Variants in NRG3 observed in about 807,000 individuals in gnomAD.
NRG3 encodes the protein pro-neuregulin-3, membrane-bound isoform.
NRG3 carries 31 observed loss-of-function variants against 66.9 expected under a neutral mutation model. That is an observed-to-expected ratio of 0.46 (90% CI 0.35 to 0.63). NRG3 has a LOEUF of 0.63. NRG3 is among the 20% of genes least tolerant of loss of function. The pLI is 0.00. For missense variants in NRG3, 910 were observed against 878.9 expected, an observed-to-expected ratio of 1.04 and a Z score of -0.45; for synonymous variants, 393 against 359.4, an observed-to-expected ratio of 1.09 and a Z score of -1.06.
chr10:82,550,151 A>G lies in NRG3; in HGVS notation c.954-188426A>G, dbSNP rs147598162. Among the ~76,000 whole-genome samples the G allele has an allele frequency of 4.4e-3, 668 of 152,322 alleles. 8 individuals are homozygous for G. Among genetic ancestry groups the G allele is most frequent in the African/African-American group, 0.015 (627 of 41,568 alleles). On this transcript the variant is annotated intron_variant, in intron 2 of 8. Coordinates refer to ENST00000372141, the MANE Select transcript of NRG3 (RefSeq NM_001010848.4). ...GAACTCCTAGCATAATGCTTGCCAC[A>G]TAGAAAGCTCTAAAAATATTCCGTT... is the stretch of plus-strand genomic sequence containing the variant.
intron 1 of NRG3, among the ~76,000 whole-genome samples, chr10:82,338,466 C>T (rs1226505218): frequency 1.3e-5 from 2 of 152,144 alleles, no homozygotes; most frequent in African/African-American, 4.8e-5. Flanking sequence ...ATGACAGTCA[C>T]GCATGCCTTG....
intron 1 of NRG3, among the ~76,000 whole-genome samples, chr10:82,189,249 C>G (rs1395396389): frequency 6.6e-6 from 1 of 151,962 alleles, no homozygotes; most frequent in Non-Finnish European, 1.5e-5. Context: ...TTGAATAACT[C>G]TATGAGAAAA....
At chr10:82,247,934 A>C (rs1276239447) in intron 1 of NRG3, among the ~76,000 whole-genome samples, 2 of 152,146 alleles carry the variant, frequency 1.3e-5, no homozygotes. Context: ...AGCAATAACA[A>C]TAATAATAAT....
intron 1 of NRG3, among the ~76,000 whole-genome samples, chr10:82,292,468 G>T (rs2079804551): frequency 6.6e-6 from 1 of 152,050 alleles, no homozygotes; most frequent in African/African-American, 2.4e-5. Context: ...ATATGACACA[G>T]TACTTGCACT....
At position 82,475,474 on chromosome 10, in the gene NRG3, G is replaced by A. The variant is rs565186176; in HGVS notation, c.953+116606G>A. Among the ~76,000 whole-genome samples the A allele has an allele frequency of 1.2e-3, 182 of 152,174 alleles. 1 individual carries two copies. The highest frequency in any genetic ancestry group is 4.1e-3 in the African/African-American group (170 of 41,560). Reference sequence around the variant, plus strand: ...GCATCAGTAATGAAGGAGCTCCTGAGAAAGAAAAGCCCAGGAACAGATGGC... The same window carrying A: ...GCATCAGTAATGAAGGAGCTCCTGAAAAAGAAAAGCCCAGGAACAGATGGC... On this transcript the variant is annotated intron_variant, in intron 2 of 8. Coordinates refer to ENST00000372141, the MANE Select transcript of NRG3 (RefSeq NM_001010848.4).
intron 1 of NRG3, among the ~76,000 whole-genome samples, chr10:82,184,572 A>G (rs1169401733): frequency 1.3e-5 from 2 of 152,164 alleles, no homozygotes; most frequent in African/African-American, 4.8e-5. Flanking sequence ...TTCTATATGT[A>G]AAAGAAACAC....
At chr10:82,600,542 C>G (rs1001361845) in intron 2 of NRG3, among the ~76,000 whole-genome samples, 1 of 152,172 alleles carries the variant, frequency 6.6e-6, no homozygotes, top group Non-Finnish European at 1.5e-5. Context: ...GCGATCTCAG[C>G]GCATTGCAAC....
intron 1 of NRG3, among the ~76,000 whole-genome samples, chr10:81,911,935 T>A (rs61149615): frequency 0.012 from 1,836 of 152,196 alleles, 37 homozygotes; most frequent in African/African-American, 0.042. Context: ...GAATTGCCAT[T>A]ATGCTTCTGA....
chr10:82,501,939 C>T (rs1162957868), intron 2 of NRG3, among the ~76,000 whole-genome samples: 1 of 152,152 alleles, frequency 6.6e-6, no homozygotes, highest in Non-Finnish European at 1.5e-5. Context: ...GTGTTCATGA[C>T]ACCCCAAACA....
At chr10:82,497,241 A>G (rs1843709279) in intron 2 of NRG3, among the ~76,000 whole-genome samples, 1 of 152,210 alleles carries the variant, frequency 6.6e-6, no homozygotes, top group Non-Finnish European at 1.5e-5. Context: ...CATAATAGGC[A>G]AAATAAATAC....
At chr10:82,579,266 C>A (rs1302775013) in intron 2 of NRG3, among the ~76,000 whole-genome samples, 1 of 151,550 alleles carries the variant, frequency 6.6e-6, no homozygotes, top group African/African-American at 2.4e-5. Flanking sequence ...GAAAAACACC[C>A]AGTTTAAGTT....
At chr10:82,199,184 AAAG>A (rs1424861713) in intron 1 of NRG3, among the ~76,000 whole-genome samples, 25 of 150,246 alleles carry the variant, frequency 1.7e-4, no homozygotes, top group African/African-American at 4.6e-4. Context: ...AAAAAAAAAA[AAAG>A]AAAAGAAAAA....
intron 2 of NRG3, among the ~76,000 whole-genome samples, chr10:82,632,648 A>G (rs2049921195): frequency 6.6e-6 from 1 of 151,968 alleles, no homozygotes; most frequent in South Asian, 2.1e-4. Flanking sequence ...GTATTATATA[A>G]TTTTCCTTGG....
intron 1 of NRG3, among the ~76,000 whole-genome samples, chr10:82,131,315 G>A (rs1337023219): frequency 1.3e-5 from 2 of 152,070 alleles, no homozygotes; most frequent in Non-Finnish European, 2.9e-5. Flanking sequence ...CCCAATGTAT[G>A]TTCTTAGCTT....
chr10:82,541,094 C>G (rs1590579883), intron 2 of NRG3, among the ~76,000 whole-genome samples: 1 of 152,166 alleles, frequency 6.6e-6, no homozygotes. Context: ...TGATCTCAGA[C>G]TTCCAGCCTT....
At chr10:82,190,964 ACTGAGAATCTCCTTC>A (rs2074108746) in intron 1 of NRG3, among the ~76,000 whole-genome samples, 1 of 152,066 alleles carries the variant, frequency 6.6e-6, no homozygotes, top group Non-Finnish European at 1.5e-5. Context: ...GCTTCGTAAG[ACTGAGAATCTCCTTC>A]CTACAACTCC....
chr10:82,717,950 A>G (rs2057075424), intron 2 of NRG3, among the ~76,000 whole-genome samples: 1 of 152,090 alleles, frequency 6.6e-6, no homozygotes, highest in African/African-American at 2.4e-5. Context: ...CAGTGTCCCA[A>G]GACAGCTATC....
intron 1 of NRG3, among the ~76,000 whole-genome samples, chr10:81,944,124 T>G (rs1367085942): frequency 6.6e-6 from 1 of 152,214 alleles, no homozygotes; most frequent in Non-Finnish European, 1.5e-5. Flanking sequence ...TCTACCTGTT[T>G]TTAACTTCAG....
chr10:82,014,341 T>TAATGA (rs968806754), intron 1 of NRG3, among the ~76,000 whole-genome samples: 9 of 152,186 alleles, frequency 5.9e-5, no homozygotes, highest in African/African-American at 2.2e-4. Context: ...AAAAGTAATG[T>TAATGA]GACTTACCCA....
Sources: allele counts gnomAD v4.1 joint callset (sites outside exome capture counted in the v4.1 genomes callset), GRCh38; gene constraint gnomAD v4.1.1; transcripts MANE v1.5; gene names NCBI Gene and HGNC (gene_info 2026-07-23, HGNC 2026-07-21).